Variants in ZMYM2 observed in about 807,000 individuals in gnomAD.
ZMYM2 encodes the protein zinc finger MYM-type protein 2.
A neutral mutation model predicts 162.8 loss-of-function variants in ZMYM2; 56 were observed. The ratio of observed to expected loss-of-function variants is 0.34; its 90% CI spans 0.28 to 0.43. The LOEUF (loss-of-function observed/expected upper bound fraction) is 0.43, where lower values mean the gene tolerates loss of function less well. Ranked by LOEUF, ZMYM2 falls within the 20% of genes least tolerant of loss-of-function variation. ZMYM2 has a pLI of 1.00. For synonymous variants in ZMYM2, 510 were observed against 541.6 expected (o/e 0.94, Z 0.81); for missense variants, 1,275 against 1,621.8 (o/e 0.79, Z 3.67).
chr13:20,025,236 G>T (rs1250014525), intron 7 of ZMYM2: 1 of 199,666 alleles, frequency 5.0e-6, no homozygotes, highest in Non-Finnish European at 1.0e-5. Context: ...ATGCTCGTGG[G>T]TATGAAGACG....
At chr13:20,061,364 T>TAATG in intron 17 of ZMYM2, 140 bp downstream of exon 17, 9 of 745,066 alleles carry the variant, frequency 1.2e-5, no homozygotes, top group South Asian at 8.8e-5. Context: ...AAATGTTTTT[T>TAATG]ATATTAAGAG....
the ZMYM2 span, among the ~76,000 whole-genome samples, chr13:19,884,517 G>A: frequency 1.6e-4 from 25 of 152,086 alleles, no homozygotes; most frequent in African/African-American, 5.3e-4. Context: ...GGCTTGCAGT[G>A]AGCCAAGATC....
intron 3 of ZMYM2, among the ~76,000 whole-genome samples, chr13:19,998,191 T>C (rs1470983767): frequency 6.6e-6 from 1 of 152,208 alleles, no homozygotes; most frequent in Non-Finnish European, 1.5e-5. Context: ...TAATTGTTAA[T>C]TGGGAAAATT....
At chr13:19,970,854 A>G (rs919257760) in intron 2 of ZMYM2, among the ~76,000 whole-genome samples, 1 of 152,100 alleles carries the variant, frequency 6.6e-6, no homozygotes. Context: ...GTAGCAGGAG[A>G]CACCTAGTTG....
chr13:19,976,792 T>C (rs1022827790), intron 2 of ZMYM2, among the ~76,000 whole-genome samples: 7 of 152,208 alleles, frequency 4.6e-5, no homozygotes, highest in African/African-American at 1.7e-4. Flanking sequence ...CTGAGTAGTT[T>C]ATAGTGTTGT....
chr13:20,079,337 AAAAAAAG>A lies in ZMYM2; in HGVS notation c.3454-2678_3454-2672del, dbSNP rs1389915065. Among the ~76,000 whole-genome samples the A allele has an allele frequency of 4.0e-4, 55 of 138,142 alleles. 4 individuals are homozygous for A. Among genetic ancestry groups the A allele is most frequent in the African/African-American group, 9.8e-4 (34 of 34,858 alleles). The allele number at this position is 138,142 out of a possible 152,430, so 90.6% of individuals were successfully genotyped here. On this transcript the variant is annotated intron_variant, in intron 21 of 24. Coordinates refer to ENST00000610343, the MANE Select transcript of ZMYM2 (RefSeq NM_197968.4). Reference sequence around the variant, plus strand: ...GTCTCAAAAAAAAAAAAAAAAAAAAAAAAAAAGGATACTTAATGAATTCAAATCCCAT... The same window carrying A: ...GTCTCAAAAAAAAAAAAAAAAAAAAAGATACTTAATGAATTCAAATCCCAT...
chr13:19,987,563 G>A (rs572552704), intron 2 of ZMYM2, among the ~76,000 whole-genome samples: 13 of 142,700 alleles, frequency 9.1e-5, no homozygotes, highest in Admixed American at 2.1e-4. Context: ...GCACCCGGGC[G>A]CCCCGCTACG....
intron 6 of ZMYM2, among the ~76,000 whole-genome samples, chr13:20,019,220 T>G (rs116236037): frequency 0.014 from 2,082 of 152,318 alleles, 40 homozygotes; most frequent in African/African-American, 0.047. Context: ...TAACAGTTTT[T>G]AAAGAGATCT....
the ZMYM2 span, among the ~76,000 whole-genome samples, chr13:19,870,470 C>T: frequency 6.6e-6 from 1 of 150,910 alleles, no homozygotes; most frequent in African/African-American, 2.4e-5. Context: ...CTCTTCTTTC[C>T]TTCCTTCCTT....
chr13:19,953,682 CA>C (rs35266783), upstream of ZMYM2, among the ~76,000 whole-genome samples: 8,272 of 74,764 alleles, frequency 0.11, 221 homozygotes, highest in African/African-American at 0.23. Context: ...GACTCTGTCT[CA>C]AAAAAAAAAA....
intron 2 of ZMYM2, among the ~76,000 whole-genome samples, chr13:19,963,486 T>A (rs756647094): frequency 3.3e-5 from 5 of 152,228 alleles, no homozygotes; most frequent in Non-Finnish European, 4.4e-5. Flanking sequence ...ATTTTCATAT[T>A]TTATTTTGGT....
At chr13:19,983,660 G>A (rs916550761) in intron 2 of ZMYM2, among the ~76,000 whole-genome samples, 1 of 151,062 alleles carries the variant, frequency 6.6e-6, no homozygotes, top group African/African-American at 2.4e-5. Flanking sequence ...ATAGAGTCTC[G>A]CTCTCTTGCC....
At position 20,075,049 on chromosome 13, in the gene ZMYM2, G is replaced by T. The variant is rs576476086; in HGVS notation, c.3454-6967G>T. On this transcript the variant is annotated intron_variant, in intron 21 of 24. Coordinates refer to ENST00000610343, the MANE Select transcript of ZMYM2 (RefSeq NM_197968.4). The stretch of plus-strand genomic sequence containing the variant: ...TCAAAGACTGTGGTATTTATAAGCA[G>T]CTTTAAAAGTAATCCTGAAACTCAG... Among the ~76,000 whole-genome samples, 11 of 152,282 alleles carry T rather than the reference G, an allele frequency of 7.2e-5. 1 individual carries two copies. The South Asian group carries it at 2.3e-3, about 32-fold the overall frequency.
chr13:20,030,523 T>C (rs1331954918), intron 9 of ZMYM2, among the ~76,000 whole-genome samples: 2 of 151,796 alleles, frequency 1.3e-5, no homozygotes, highest in Non-Finnish European at 2.9e-5. Context: ...CTCAACCTCC[T>C]GAGTAGCTGG....
chr13:20,043,884 C>T (rs1487194044), intron 12 of ZMYM2, among the ~76,000 whole-genome samples: 1 of 152,070 alleles, frequency 6.6e-6, no homozygotes, highest in Non-Finnish European at 1.5e-5. Context: ...TGCTGCGTGT[C>T]TGTGGGGGCC....
intron 2 of ZMYM2, among the ~76,000 whole-genome samples, chr13:19,966,602 G>A (rs1034287144): frequency 4.0e-5 from 6 of 150,230 alleles, no homozygotes; most frequent in Non-Finnish European, 8.9e-5. Context: ...CCACCACGCC[G>A]GGCTGATTTT....
the ZMYM2 span, among the ~76,000 whole-genome samples, chr13:19,871,304 T>C: frequency 6.6e-6 from 1 of 152,214 alleles, no homozygotes; most frequent in South Asian, 2.1e-4. Context: ...ACAACAATAA[T>C]GTATAAAATA....
intron 18 of ZMYM2, among the ~76,000 whole-genome samples, chr13:20,063,493 G>T (rs1280659211): frequency 5.3e-5 from 8 of 150,428 alleles, no homozygotes; most frequent in Non-Finnish European, 1.5e-5. Flanking sequence ...TAAAAATGTT[G>T]TTAGCATCTG....
chr13:20,075,223 A>G (rs1408032201), intron 21 of ZMYM2, among the ~76,000 whole-genome samples: 2 of 152,252 alleles, frequency 1.3e-5, no homozygotes, highest in Non-Finnish European at 2.9e-5. Flanking sequence ...ACAGCTGACA[A>G]TAAAGATACA....
Sources: allele counts gnomAD v4.1 joint callset (sites outside exome capture counted in the v4.1 genomes callset), GRCh38; gene constraint gnomAD v4.1.1; transcripts MANE v1.5; gene names NCBI Gene and HGNC (gene_info 2026-07-23, HGNC 2026-07-21).